CDH9: variants seen among roughly 807,000 people sequenced by gnomAD.
The protein encoded by CDH9 is cadherin-9.
In CDH9, 28 loss-of-function variants were observed where a neutral mutation model predicts 70.9. The ratio of observed to expected loss-of-function variants is 0.40; its 90% CI spans 0.29 to 0.54. The LOEUF (loss-of-function observed/expected upper bound fraction) is 0.54, where lower values mean the gene tolerates loss of function less well. Among genes scored for constraint, CDH9 ranks in the 20% least tolerant of loss-of-function variants. CDH9 has a pLI of 0.59. For missense variants in CDH9, 874 were observed against 984.4 expected, an observed-to-expected ratio of 0.89 and a Z score of 1.50; for synonymous variants, 409 against 343.1, an observed-to-expected ratio of 1.19 and a Z score of -2.12.
chr5:26,886,675 G>T lies in CDH9; in HGVS notation c.1513-592C>A, dbSNP rs1489188427. On this transcript the variant is annotated intron_variant, in intron 9 of 11. Transcript: ENST00000231021. ...GCTTGCTTTTCCTTTAACAGTATTTGCAAAGACAGATATACAAAGAAATGC... is the reference window on the plus strand; with the variant it reads ...GCTTGCTTTTCCTTTAACAGTATTTTCAAAGACAGATATACAAAGAAATGC... Among the ~76,000 whole-genome samples, 3 of 152,032 alleles carry T rather than the reference G, an allele frequency of 2.0e-5. No individual in the cohort carries two copies. The East Asian group carries it at 5.8e-4, about 29-fold the overall frequency.
intron 2 of CDH9, among the ~76,000 whole-genome samples, chr5:26,917,482 TA>T (rs1409102984): frequency 1.3e-5 from 2 of 152,104 alleles, no homozygotes; most frequent in Non-Finnish European, 2.9e-5. Flanking sequence ...TCATATACTT[TA>T]CAATTCCCAT....
At chr5:27,020,766 C>A (rs776951243) in intron 1 of CDH9, among the ~76,000 whole-genome samples, 28 of 150,146 alleles carry the variant, frequency 1.9e-4, no homozygotes, top group Non-Finnish European at 3.6e-4. Flanking sequence ...TATATATATG[C>A]CTAGTGTTCA....
intron 3 of CDH9, among the ~76,000 whole-genome samples, chr5:26,914,463 G>A (rs571951131): frequency 4.6e-5 from 7 of 151,836 alleles, no homozygotes; most frequent in Non-Finnish European, 1.0e-4. Flanking sequence ...CTCATTTTTT[G>A]TATTAGAGCT....
intron 2 of CDH9, among the ~76,000 whole-genome samples, chr5:26,952,707 A>T (rs886840494): frequency 6.7e-6 from 1 of 149,978 alleles, no homozygotes; most frequent in African/African-American, 2.4e-5. Context: ...TCATGAAAAG[A>T]TGAAAAGTAG....
chr5:26,910,960 A>T (rs532929576), intron 3 of CDH9, among the ~76,000 whole-genome samples: 1 of 152,294 alleles, frequency 6.6e-6, no homozygotes, highest in South Asian at 2.1e-4. Flanking sequence ...AGTGTCATGG[A>T]ATTATAAGGG....
intron 1 of CDH9, among the ~76,000 whole-genome samples, chr5:27,028,782 C>T (rs886601436): frequency 6.6e-6 from 1 of 151,788 alleles, no homozygotes; most frequent in Non-Finnish European, 1.5e-5. Context: ...CAGGAAAAAA[C>T]CAATTGCCAA....
intron 1 of CDH9, among the ~76,000 whole-genome samples, chr5:27,010,931 C>G (rs1163008877): frequency 6.6e-6 from 1 of 152,042 alleles, no homozygotes; most frequent in Non-Finnish European, 1.5e-5. Context: ...ACTTTATCAA[C>G]AGGAATCTAA....
At chr5:26,896,540 C>CATTTCATTATAG (rs1740754507) in intron 7 of CDH9, among the ~76,000 whole-genome samples, 4 of 133,880 alleles carry the variant, frequency 3.0e-5, no homozygotes, top group African/African-American at 1.1e-4. Flanking sequence ...TTTCATTATA[C>CATTTCATTATAG]AATAGAATGA....
chr5:26,910,924 G>A (rs1741042432), intron 3 of CDH9, among the ~76,000 whole-genome samples: 1 of 152,202 alleles, frequency 6.6e-6, no homozygotes, highest in African/African-American at 2.4e-5. Flanking sequence ...CCACTAATAA[G>A]AGAAGTAGGG....
chr5:26,978,244 GACTTATAAAT>G (rs1742338064), intron 2 of CDH9, among the ~76,000 whole-genome samples: 1 of 151,662 alleles, frequency 6.6e-6, no homozygotes, highest in Non-Finnish European at 1.5e-5. Context: ...GTGGGACAAA[GACTTATAAAT>G]AATTGACATC....
intron 2 of CDH9, among the ~76,000 whole-genome samples, chr5:26,981,278 A>G (rs62344065): frequency 0.47 from 71,969 of 151,818 alleles, 17,874 homozygotes; most frequent in African/African-American, 0.52. Flanking sequence ...TCAAGTCCCT[A>G]TATAAAATGG....
At chr5:26,977,372 G>A (rs186723864) in intron 2 of CDH9, among the ~76,000 whole-genome samples, 44 of 151,578 alleles carry the variant, frequency 2.9e-4, no homozygotes, top group Non-Finnish European at 5.9e-4. Flanking sequence ...AATAATTAAG[G>A]CAGTTTGGTA....
intron 1 of CDH9, among the ~76,000 whole-genome samples, chr5:27,029,256 A>G (rs890490802): frequency 6.6e-6 from 1 of 152,064 alleles, no homozygotes; most frequent in African/African-American, 2.4e-5. Context: ...TTTAGAGGCA[A>G]TATCAAAGAG....
intron 4 of CDH9, 31 bp from the exon 5 acceptor site, chr5:26,906,157 A>G: frequency 6.3e-7 from 1 of 1,583,156 alleles, no homozygotes; most frequent in Non-Finnish European, 8.6e-7. Context: ...AAGTTTTGCA[A>G]TTAAATCGCT....
intron 1 of CDH9, among the ~76,000 whole-genome samples, chr5:26,990,087 A>G (rs902459449): frequency 6.6e-6 from 1 of 152,170 alleles, no homozygotes; most frequent in African/African-American, 2.4e-5. Context: ...CAATGCATGT[A>G]GAAGAGTTAT....
At position 26,977,405 on chromosome 5, in the gene CDH9, G is replaced by A. The variant is rs192431292; in HGVS notation, c.228+10701C>T. Reference sequence around the variant, plus strand: ...GTATTGACATCAAATATAATTGACCGTTTTGTTTTCAATAAGTAACATTCT... The same window carrying A: ...GTATTGACATCAAATATAATTGACCATTTTGTTTTCAATAAGTAACATTCT... On this transcript the variant is annotated intron_variant, in intron 2 of 11. Coordinates refer to ENST00000231021, the MANE Select transcript of CDH9 (RefSeq NM_016279.4). Among the ~76,000 whole-genome samples, 630 of 150,612 alleles carry A rather than the reference G, an allele frequency of 4.2e-3. 4 individuals carry two copies. The highest frequency in any genetic ancestry group is 0.015 in the African/African-American group (600 of 40,940).
intron 2 of CDH9, among the ~76,000 whole-genome samples, chr5:26,974,856 C>G (rs1742279033): frequency 6.6e-6 from 1 of 151,698 alleles, no homozygotes; most frequent in African/African-American, 2.4e-5. Context: ...AAAACAATAT[C>G]TACTCTCTTC....
chr5:26,989,358 C>T (rs1006587205), intron 1 of CDH9, among the ~76,000 whole-genome samples: 6 of 151,986 alleles, frequency 3.9e-5, no homozygotes, highest in Non-Finnish European at 8.8e-5. Context: ...AAATTAATCT[C>T]AAACTAGTAG....
intron 2 of CDH9, among the ~76,000 whole-genome samples, chr5:26,930,115 T>C (rs1741416102): frequency 6.6e-6 from 1 of 152,110 alleles, no homozygotes; most frequent in African/African-American, 2.4e-5. Context: ...CCCATAAATA[T>C]ATCCACACAT....
Sources: gnomAD v4.1 joint callset for allele counts (sites outside exome capture counted in the v4.1 genomes callset) on GRCh38, gnomAD v4.1.1 for gene constraint, MANE v1.5 for transcripts, NCBI Gene and HGNC (gene_info 2026-07-23, HGNC 2026-07-21) for gene names.